ZFP69B: variants seen among roughly 807,000 people sequenced by gnomAD.
ZFP69B encodes the protein zinc finger protein 69 homolog B.
In ZFP69B, 20 loss-of-function variants were observed where a neutral mutation model predicts 19.7. That is an observed-to-expected ratio of 1.02 (90% CI 0.71 to 1.48). ZFP69B has a LOEUF of 1.48. ZFP69B is among the 40% of genes most tolerant of loss of function. The probability of loss-of-function intolerance (pLI) is 0.00; values close to 1 mark genes in which losing one functional copy is unlikely to be tolerated. For synonymous variants in ZFP69B, 220 were observed against 222.7 expected (o/e 0.99, Z 0.11); for missense variants, 583 against 632.6 (o/e 0.92, Z 0.84).
In ZFP69B at chr1:40,463,550, CA is replaced by C. The variant is rs953986187; in HGVS notation, c.1570del (p.Thr524HisfsTer3). The C allele has an allele frequency of 5.0e-6, 8 of 1,612,024 alleles. No individual in the cohort carries two copies. Among genetic ancestry groups the C allele is most frequent in the Non-Finnish European group, 6.8e-6 (8 of 1,179,122 alleles). ...GTAGTTCATCCCTTATTAGACACTGCAAAACACATTTAAGAAATACCTTCAG... is the reference window on the plus strand; with the variant it reads ...GTAGTTCATCCCTTATTAGACACTGCAAACACATTTAAGAAATACCTTCAG... ...SCSSSLIRHC[K>X]THLRNTFSNV... On this transcript the variant is annotated frameshift_variant, in exon 5 of 5. Transcript: ENST00000361584. LOFTEE classifies it low-confidence loss of function (END_TRUNC).
In ZFP69B at chr1:40,462,391, A is replaced by G. The variant is rs754676927; in HGVS notation, c.437-30A>G. 3.9e-6 allele frequency: 6 copies of G among 1,544,194 alleles called. No individual in the cohort carries two copies. The East Asian group carries it at 1.3e-4, about 35-fold the overall frequency. On this transcript the variant is annotated intron_variant, in intron 4 of 4. Coordinates refer to ENST00000361584, the MANE Select transcript of ZFP69B (RefSeq NM_023070.3). ...ATTAATTTTTTAAAGTGCAAGGAATATGGATCTTTTTTTTTATTATTTCTT... is the reference window on the plus strand; with the variant it reads ...ATTAATTTTTTAAAGTGCAAGGAATGTGGATCTTTTTTTTTATTATTTCTT...
At chr1:40,453,625 T>TACA (rs1157357316) in intron 1 of ZFP69B, among the ~76,000 whole-genome samples, 2 of 152,084 alleles carry the variant, frequency 1.3e-5, no homozygotes, top group Non-Finnish European at 2.9e-5. Flanking sequence ...CAGGATTGTG[T>TACA]GGGTAGGTGT....
intron 2 of ZFP69B, 53 bp downstream of exon 2, chr1:40,454,341 G>A: frequency 1.5e-6 from 2 of 1,315,052 alleles, no homozygotes; most frequent in Non-Finnish European, 2.1e-6. Flanking sequence ...GATTTTAAGA[G>A]CGCAGGAGTT....
In ZFP69B at chr1:40,450,794, G is replaced by A; in HGVS notation, c.-168G>A. On this transcript the variant is annotated 5_prime_UTR_variant, in exon 1 of 5. An upstream start codon of the reference 5' UTR is lost. Coordinates refer to ENST00000361584, the MANE Select transcript of ZFP69B (RefSeq NM_023070.3). The stretch of plus-strand genomic sequence containing the variant: ...CAGATCTCGGATTTTGATACTGTAT[G>A]TTCCCTGGGTTCCTGAGAGAGGACA... 1.5e-6 allele frequency: 1 copy of A among 649,596 alleles called. No homozygotes were observed. Among genetic ancestry groups the A allele is most frequent in the Admixed American group, 4.1e-5 (1 of 24,184 alleles). 40.2% of individuals were successfully genotyped at this position (649,596 alleles called of 1,614,324 possible).
At chr1:40,460,695 A>T (rs908958705) in intron 4 of ZFP69B, among the ~76,000 whole-genome samples, 3 of 152,050 alleles carry the variant, frequency 2.0e-5, no homozygotes, top group African/African-American at 7.2e-5. Flanking sequence ...AAATACAAAA[A>T]TTAGCAGCTG....
rs757940929 is a variant in ZFP69B at position 40,457,328 on chromosome 1, T to G, written c.341-16T>G. Reference sequence around the variant, plus strand: ...TGTGACCTCAGCATATACAGTCTTTTCTTCCCCATAAGCAGGATGTCAGCT... The same window carrying G: ...TGTGACCTCAGCATATACAGTCTTTGCTTCCCCATAAGCAGGATGTCAGCT... On this transcript the variant is annotated splice_polypyrimidine_tract_variant and intron_variant, in intron 3 of 4. Transcript: ENST00000361584. 2 of 1,613,394 alleles carry G rather than the reference T, an allele frequency of 1.2e-6. No homozygotes were observed. The highest frequency in any genetic ancestry group is 2.2e-5 in the South Asian group (2 of 91,048).
At chr1:40,461,761 C>T (rs912761234) in intron 4 of ZFP69B, among the ~76,000 whole-genome samples, 1 of 152,086 alleles carries the variant, frequency 6.6e-6, no homozygotes, top group Admixed American at 6.6e-5. Context: ...TGCCACTGCA[C>T]TCCAGTCTGG....
intron 4 of ZFP69B, among the ~76,000 whole-genome samples, chr1:40,458,392 A>G (rs1645253169): frequency 6.6e-6 from 1 of 151,472 alleles, no homozygotes; most frequent in South Asian, 2.1e-4. Flanking sequence ...TGCCTAGGTC[A>G]GGATAGGCTA....
At chr1:40,456,621 T>C (rs1246508973) in intron 2 of ZFP69B, among the ~76,000 whole-genome samples, 1 of 152,244 alleles carries the variant, frequency 6.6e-6, no homozygotes, top group Non-Finnish European at 1.5e-5. Flanking sequence ...TCTTGTGGCC[T>C]TAGCCCCTTC....
chr1:40,459,187 T>C (rs1158184802), intron 4 of ZFP69B, among the ~76,000 whole-genome samples: 3 of 152,200 alleles, frequency 2.0e-5, no homozygotes, highest in Non-Finnish European at 4.4e-5. Flanking sequence ...ACCTCTGTCT[T>C]TTTTACACTG....
rs1370436109 is a variant in ZFP69B, at chr1:40,454,245, T to C, written c.170T>C (p.Leu57Ser). 1.2e-6 allele frequency: 2 copies of C among 1,605,064 alleles called. No individual in the cohort carries two copies. Among genetic ancestry groups the C allele is most frequent in the Non-Finnish European group, 1.7e-6 (2 of 1,174,908 alleles). ...QDADETQGES[L>S]ESRVTLGSLT... Reference sequence around the variant, plus strand: ...GCTGATGAGACCCAGGGCGAAAGTTTAGAGAGTAGAGTGACCCTTGGATCC... The same window carrying C: ...GCTGATGAGACCCAGGGCGAAAGTTCAGAGAGTAGAGTGACCCTTGGATCC... Residue 57 changes from leucine to serine, a missense_variant, in exon 2 of 5, where the codon TTA (leucine) becomes TCA (serine). Coordinates refer to ENST00000361584, the MANE Select transcript of ZFP69B (RefSeq NM_023070.3).
intron 4 of ZFP69B, among the ~76,000 whole-genome samples, chr1:40,460,754 G>A (rs895425814): frequency 2.0e-5 from 3 of 151,910 alleles, no homozygotes; most frequent in Admixed American, 6.6e-5. Context: ...AGGCCGAGGC[G>A]GGCGGATCAT....
upstream of ZFP69B, chr1:40,450,152 G>C (rs981683893): frequency 3.9e-5 from 6 of 152,320 alleles, no homozygotes; most frequent in Non-Finnish European, 8.8e-5. Context: ...GAAGGCGGGG[G>C]CGTGCCGGCC....
upstream of ZFP69B, among the ~76,000 whole-genome samples, chr1:40,450,466 G>T (rs1044087246): frequency 1.3e-5 from 2 of 152,216 alleles, no homozygotes; most frequent in Non-Finnish European, 2.9e-5. Context: ...CCCAAACAAA[G>T]AATTGGGTTG....
chr1:40,462,901 C>T lies in ZFP69B; in HGVS notation c.917C>T (p.Pro306Leu), dbSNP rs774812261. The T allele has an allele frequency of 6.2e-7, 1 of 1,614,162 alleles. No individual in the cohort carries two copies. The highest frequency in any genetic ancestry group is 1.7e-5 in the Admixed American group (1 of 60,022). Residue 306 changes from proline to leucine, a missense_variant, in exon 5 of 5, where the codon CCT becomes CTT. By Grantham distance (98) the Pro-to-Leu change is moderately conservative. Coordinates refer to ENST00000361584, the MANE Select transcript of ZFP69B (RefSeq NM_023070.3). ...EHMRIHTGEK[P>L]FRCKECGKAF... ...ATGAGAATTCATACCGGGGAGAAAC[C>T]TTTCAGATGTAAGGAATGTGGAAAA...
At chr1:40,459,764 TA>T (rs1645265365) in intron 4 of ZFP69B, among the ~76,000 whole-genome samples, 1 of 152,188 alleles carries the variant, frequency 6.6e-6, no homozygotes, top group African/African-American at 2.4e-5. Flanking sequence ...ATCAGTAATC[TA>T]AACATCTCTG....
At chr1:40,453,836 C>T (rs528213484) in intron 1 of ZFP69B, among the ~76,000 whole-genome samples, 1 of 151,292 alleles carries the variant, frequency 6.6e-6, no homozygotes, top group South Asian at 2.1e-4. Flanking sequence ...TATGCCACTG[C>T]CCTCCAACCT....
intron 2 of ZFP69B, among the ~76,000 whole-genome samples, chr1:40,455,839 G>A (rs975164826): frequency 6.6e-6 from 1 of 152,086 alleles, no homozygotes. Flanking sequence ...TCCCACTTAT[G>A]AGTGAGAACA....
rs545244712 is a variant in ZFP69B at position 40,450,747 on chromosome 1, G to A, written c.-215G>A. 5.4e-6 allele frequency: 2 copies of A among 370,814 alleles called. No individual in the cohort carries two copies. The highest frequency in any genetic ancestry group is 7.0e-5 in the South Asian group (1 of 14,204). 23.0% of individuals were successfully genotyped at this position (370,814 alleles called of 1,614,324 possible). The stretch of plus-strand genomic sequence containing the variant: ...GCTCAAGTTGGGAGATACGCCCTGA[G>A]AGCCGATGATAGACACAAGTCCAGA... On this transcript the variant is annotated 5_prime_UTR_variant, in exon 1 of 5. Transcript: ENST00000361584.
Sources: allele counts gnomAD v4.1 joint callset (sites outside exome capture counted in the v4.1 genomes callset), GRCh38; gene constraint gnomAD v4.1.1; transcripts MANE v1.5; gene names NCBI Gene and HGNC (gene_info 2026-07-23, HGNC 2026-07-21).